The following BTBD9 variants were observed in gnomAD, a reference collection of about 807,000 sequenced individuals.
The protein encoded by BTBD9 is BTB/POZ domain-containing protein 9.
Under a neutral mutation model 64.3 loss-of-function variants are expected in BTBD9, and 49 were observed. The ratio of observed to expected loss-of-function variants is 0.76; its 90% CI spans 0.61 to 0.97. The LOEUF is 0.97. Among genes scored for constraint, BTBD9 ranks in the 50% least tolerant of loss-of-function variants. BTBD9 has a pLI of 0.00. For missense variants in BTBD9, 598 were observed against 762.1 expected, an observed-to-expected ratio of 0.78 and a Z score of 2.53; for synonymous variants, 260 against 274.7, an observed-to-expected ratio of 0.95 and a Z score of 0.53.
chr6:38,394,761 C>T (rs1417437349), intron 6 of BTBD9, among the ~76,000 whole-genome samples: 2 of 152,044 alleles, frequency 1.3e-5, no homozygotes, highest in Non-Finnish European at 2.9e-5. Flanking sequence ...CTCAAGCAGC[C>T]CTCTATATAG....
intron 6 of BTBD9, among the ~76,000 whole-genome samples, chr6:38,445,181 T>C (rs1769211224): frequency 6.6e-6 from 1 of 152,190 alleles, no homozygotes; most frequent in African/African-American, 2.4e-5. Flanking sequence ...CTTACTGAAT[T>C]TGTTGTATGA....
At chr6:38,468,360 T>C (rs1770490944) in intron 6 of BTBD9, among the ~76,000 whole-genome samples, 1 of 152,220 alleles carries the variant, frequency 6.6e-6, no homozygotes, top group Non-Finnish European at 1.5e-5. Flanking sequence ...ACACACCTTA[T>C]ATTGCAGCCA....
intron 1 of BTBD9, among the ~76,000 whole-genome samples, chr6:38,618,840 A>G (rs1777886040): frequency 6.6e-6 from 1 of 152,194 alleles, no homozygotes; most frequent in Admixed American, 6.5e-5. Context: ...CTGCAGCCCA[A>G]GAGTCTGGAG....
chr6:38,627,038 C>A (rs899546168), intron 1 of BTBD9, among the ~76,000 whole-genome samples: 10 of 152,048 alleles, frequency 6.6e-5, no homozygotes, highest in Non-Finnish European at 1.5e-4. Flanking sequence ...GGTGACAGAC[C>A]AGTAAAGAGA....
intron 6 of BTBD9, among the ~76,000 whole-genome samples, chr6:38,432,727 C>A (rs1388590390): frequency 6.6e-6 from 1 of 151,930 alleles, no homozygotes; most frequent in Non-Finnish European, 1.5e-5. Flanking sequence ...CCCTCCCCAC[C>A]TAGAGGCAGA....
In BTBD9 at chr6:38,580,077, C is replaced by A. The variant is rs149258823; in HGVS notation, c.1034+141G>T. ...TTTAAAGAAATATATCCTTTAACTCCTTCCCCAAAACCAACCTTCAAGAGA... is the reference window on the plus strand; with the variant it reads ...TTTAAAGAAATATATCCTTTAACTCATTCCCCAAAACCAACCTTCAAGAGA... On this transcript the variant is annotated intron_variant, in intron 5 of 10. Transcript: ENST00000481247. 6.5e-4 allele frequency: 465 copies of A among 720,526 alleles called. 3 individuals are homozygous for A. In the African/African-American group the frequency reaches 6.8e-3, roughly 10 times the overall value. 44.6% of individuals were successfully genotyped at this position (720,526 alleles called of 1,614,324 possible).
intron 6 of BTBD9, among the ~76,000 whole-genome samples, chr6:38,490,062 T>A (rs568833563): frequency 1.3e-5 from 2 of 152,294 alleles, no homozygotes; most frequent in Admixed American, 1.3e-4. Context: ...GACCTATTAG[T>A]TTCTAAAAAG....
At chr6:38,486,759 G>A (rs1234109448) in intron 6 of BTBD9, among the ~76,000 whole-genome samples, 1 of 152,124 alleles carries the variant, frequency 6.6e-6, no homozygotes, top group East Asian at 1.9e-4. Context: ...TGTGACATAG[G>A]CACACAAGTA....
chr6:38,262,046 T>C (rs1472102397), intron 8 of BTBD9, among the ~76,000 whole-genome samples: 1 of 152,248 alleles, frequency 6.6e-6, no homozygotes, highest in Admixed American at 6.5e-5. Context: ...CCTCTGCTTT[T>C]CCATTGAGAG....
chr6:38,283,902 T>G (rs950332792), intron 8 of BTBD9, among the ~76,000 whole-genome samples: 1 of 152,222 alleles, frequency 6.6e-6, no homozygotes, highest in East Asian at 1.9e-4. Context: ...CTAATCAACC[T>G]GTCATTGGTC....
chr6:38,440,706 G>A (rs1768988729), intron 6 of BTBD9, among the ~76,000 whole-genome samples: 1 of 151,970 alleles, frequency 6.6e-6, no homozygotes, highest in Admixed American at 6.6e-5. Flanking sequence ...TCAAATTTAT[G>A]GCATAATAGA....
intron 6 of BTBD9, among the ~76,000 whole-genome samples, chr6:38,352,389 G>GA (rs920718951): frequency 6.6e-6 from 1 of 150,420 alleles, no homozygotes; most frequent in Non-Finnish European, 1.5e-5. Flanking sequence ...AAAAAAAAAA[G>GA]AAAAAAGTCT....
intron 9 of BTBD9, among the ~76,000 whole-genome samples, chr6:38,247,128 T>C (rs1488903434): frequency 1.4e-5 from 2 of 147,840 alleles, no homozygotes; most frequent in Admixed American, 7.0e-5. Flanking sequence ...TTTCTCAACA[T>C]TGTCACTAAC....
At chr6:38,458,184 A>T (rs1451812868) in intron 6 of BTBD9, among the ~76,000 whole-genome samples, 1 of 152,236 alleles carries the variant, frequency 6.6e-6, no homozygotes, top group African/African-American at 2.4e-5. Flanking sequence ...TTTGTTTGCA[A>T]GTAAAAGAAA....
chr6:38,418,320 G>C (rs1398290942), intron 6 of BTBD9, among the ~76,000 whole-genome samples: 1 of 152,136 alleles, frequency 6.6e-6, no homozygotes, highest in Non-Finnish European at 1.5e-5. Context: ...TGTATGTAAG[G>C]CTATCCTTTC....
intron 6 of BTBD9, among the ~76,000 whole-genome samples, chr6:38,478,219 G>A (rs1770981616): frequency 6.6e-6 from 1 of 152,154 alleles, no homozygotes; most frequent in Non-Finnish European, 1.5e-5. Context: ...TATATGTGAG[G>A]AGAAACATGT....
At chr6:38,606,440 T>C (rs1477166242) in intron 1 of BTBD9, among the ~76,000 whole-genome samples, 1 of 152,124 alleles carries the variant, frequency 6.6e-6, no homozygotes, top group East Asian at 1.9e-4. Flanking sequence ...AAATGGCCAA[T>C]ATGACAACTT....
rs772167899 is a variant in BTBD9 at position 38,205,879 on chromosome 6, C to CAAAAA, written c.1563-13287_1563-13283dup. ...AGCCTGAGAGAGCAGGAGTCTGTCT[C>CAAAAA]AAAAAAAAAAAAGAAAGAAAGAAAG... On this transcript the variant is annotated intron_variant, in intron 9 of 10. Transcript: ENST00000481247. Among the ~76,000 whole-genome samples, 26 of 47,274 alleles carry CAAAAA rather than the reference C, an allele frequency of 5.5e-4. 2 individuals carry two copies. Among genetic ancestry groups the CAAAAA allele is most frequent in the South Asian group, 9.2e-4 (1 of 1,086 alleles). 31.0% of individuals were successfully genotyped at this position (47,274 alleles called of 152,430 possible). A position where few individuals can be genotyped will look rare whatever the true frequency, so the allele number is the denominator to read the frequency against.
At chr6:38,470,060 C>A (rs1770578786) in intron 6 of BTBD9, among the ~76,000 whole-genome samples, 1 of 152,112 alleles carries the variant, frequency 6.6e-6, no homozygotes, top group Non-Finnish European at 1.5e-5. Context: ...CAACAAGTTC[C>A]AAAGAGAAAA....
Sources: allele counts gnomAD v4.1 joint callset (sites outside exome capture counted in the v4.1 genomes callset), GRCh38; gene constraint gnomAD v4.1.1; transcripts MANE v1.5; gene names NCBI Gene and HGNC (gene_info 2026-07-23, HGNC 2026-07-21).